KLHL3: variants seen among roughly 807,000 people sequenced by gnomAD.
KLHL3 encodes the protein kelch like family member 3.
KLHL3 carries 19 observed loss-of-function variants against 70.5 expected under a neutral mutation model. The ratio of observed to expected loss-of-function variants is 0.27; its 90% CI spans 0.19 to 0.40. KLHL3 has a LOEUF of 0.40. KLHL3 is among the 10% of genes least tolerant of loss of function. The probability of loss-of-function intolerance (pLI) is 1.00; values close to 1 mark genes in which losing one functional copy is unlikely to be tolerated. For synonymous variants in KLHL3, 258 were observed against 290.3 expected (o/e 0.89, Z 1.13); for missense variants, 512 against 771.1 (o/e 0.66, Z 3.98).
At chr5:137,628,109 A>T (rs952285264) in intron 13 of KLHL3, 188 bp downstream of exon 13, 1 of 636,378 alleles carries the variant, frequency 1.6e-6, no homozygotes, top group Non-Finnish European at 2.7e-6. Context: ...CAGGATCTGC[A>T]GCTAGCTTTT....
intron 11 of KLHL3, among the ~76,000 whole-genome samples, chr5:137,635,449 T>G (rs1453617638): frequency 6.6e-6 from 1 of 152,222 alleles, no homozygotes; most frequent in African/African-American, 2.4e-5. Context: ...TCTTAGGAGC[T>G]TCTGCCTACA....
At chr5:137,729,103 C>T (rs1435283879) in intron 1 of KLHL3, among the ~76,000 whole-genome samples, 1 of 152,084 alleles carries the variant, frequency 6.6e-6, no homozygotes. Flanking sequence ...ATCTGTTTCA[C>T]CTCTAAAGGT....
chr5:137,637,501 T>C, intron 10 of KLHL3, 106 bp from the exon 11 acceptor site: 2 of 905,974 alleles, frequency 2.2e-6, no homozygotes, highest in Non-Finnish European at 3.5e-6. Flanking sequence ...GCTGGAAACC[T>C]AAATGTATGG....
At chr5:137,660,941 G>C (rs570748620) in intron 7 of KLHL3, 3 of 153,180 alleles carry the variant, frequency 2.0e-5, no homozygotes, top group African/African-American at 7.2e-5. Flanking sequence ...GGGCTGCTAG[G>C]CTGCTAAACC....
At position 137,720,524 on chromosome 5, in the gene KLHL3, C is replaced by T. The variant is rs764264249; in HGVS notation, c.75G>A (p.Thr25=). Residue 25 remains threonine (T), a synonymous_variant, in exon 2 of 15, where the codon ACG becomes ACA. Transcript: ENST00000309755. ...QAGDDEKNQR[T]ITVNPAHMGK... ...CCATGTGGGCAGGGTTGACAGTGAT[C>T]GTCCTCTGGTTCTTCTCATCATCCC... The T allele has an allele frequency of 8.1e-6, 13 of 1,614,158 alleles. No homozygotes were observed. Among genetic ancestry groups the T allele is most frequent in the South Asian group, 6.6e-5 (6 of 91,086 alleles).
At chr5:137,632,814 G>GA (rs1396955086) in intron 12 of KLHL3, among the ~76,000 whole-genome samples, 1 of 151,878 alleles carries the variant, frequency 6.6e-6, no homozygotes, top group African/African-American at 2.4e-5. Flanking sequence ...ACTCAACAAG[G>GA]AAAAAACAAC....
At chr5:137,706,245 T>C (rs543728705) in intron 3 of KLHL3, 2 of 985,456 alleles carry the variant, frequency 2.0e-6, no homozygotes, top group East Asian at 2.3e-4. Context: ...TACTTTCCTT[T>C]TGGCTTTAAA....
intron 8 of KLHL3, among the ~76,000 whole-genome samples, chr5:137,645,347 T>C (rs987189808): frequency 1.3e-5 from 2 of 152,066 alleles, no homozygotes; most frequent in African/African-American, 4.8e-5. Context: ...TGAAGTACAT[T>C]CAAATTGAAA....
intron 3 of KLHL3, among the ~76,000 whole-genome samples, chr5:137,702,257 G>A (rs553574565): frequency 2.0e-5 from 1 of 49,924 alleles, no homozygotes; most frequent in Non-Finnish European, 3.5e-5. Flanking sequence ...GCACACAAGA[G>A]CACCAGGTTT....
chr5:137,650,413 G>A (rs1396113072), intron 8 of KLHL3, among the ~76,000 whole-genome samples: 1 of 152,176 alleles, frequency 6.6e-6, no homozygotes, highest in African/African-American at 2.4e-5. Flanking sequence ...CCTGGTCTGG[G>A]AGTCCCCTGG....
intron 10 of KLHL3, among the ~76,000 whole-genome samples, chr5:137,638,649 C>T (rs1217241316): frequency 2.0e-5 from 3 of 152,142 alleles, no homozygotes; most frequent in African/African-American, 7.2e-5. Flanking sequence ...CTGAGGCACC[C>T]CCTAGCTAAG....
intron 4 of KLHL3, among the ~76,000 whole-genome samples, 169 bp downstream of exon 4, chr5:137,698,118 C>T (rs1404913463): frequency 1.3e-5 from 2 of 152,236 alleles, no homozygotes; most frequent in African/African-American, 4.8e-5. Flanking sequence ...AGGACCAGCT[C>T]GACCACCTCC....
intron 5 of KLHL3, among the ~76,000 whole-genome samples, chr5:137,688,652 T>G (rs995558897): frequency 1.3e-5 from 2 of 152,216 alleles, no homozygotes; most frequent in African/African-American, 4.8e-5. Context: ...TAGAATGTAA[T>G]AAACACTGGC....
At chr5:137,658,830 C>T (rs1318379708) in intron 7 of KLHL3, among the ~76,000 whole-genome samples, 1 of 152,092 alleles carries the variant, frequency 6.6e-6, no homozygotes, top group Non-Finnish European at 1.5e-5. Flanking sequence ...AGAAAATCGG[C>T]CAGTGAGGCT....
rs753025233 is a variant in KLHL3 at position 137,692,400 on chromosome 5, C to T, written c.411G>A (p.Gln137=). Residue 137 remains glutamine, a synonymous_variant, in exon 5 of 15, where the codon CAG becomes CAA. Coordinates refer to ENST00000309755, the MANE Select transcript of KLHL3 (RefSeq NM_017415.3). ...ASLLQLMDVR[Q]NCCDFLQSQL... ...GAGACTGCAGGAAGTCACAGCAGTTCTGCCGAACATCCATGAGCTGCAGCA... is the reference window on the plus strand; with the variant it reads ...GAGACTGCAGGAAGTCACAGCAGTTTTGCCGAACATCCATGAGCTGCAGCA... 1 of 1,614,068 alleles carries T rather than the reference C, an allele frequency of 6.2e-7. No homozygotes were observed. The highest frequency in any genetic ancestry group is 8.5e-7 in the Non-Finnish European group (1 of 1,180,042).
In KLHL3 at chr5:137,621,871, A is replaced by G. The variant is rs778510694; in HGVS notation, c.*227T>C. 2 of 588,100 alleles carry G rather than the reference A, an allele frequency of 3.4e-6. No individual in the cohort carries two copies. Among genetic ancestry groups the G allele is most frequent in the Non-Finnish European group, 6.1e-6 (2 of 326,758 alleles). 36.4% of individuals were successfully genotyped at this position (588,100 alleles called of 1,614,324 possible). A position where few individuals can be genotyped will look rare whatever the true frequency, so the allele number is the denominator to read the frequency against. ...CCAAAGGTGCTGCCTGGGGATGTCA[A>G]GACCCCCCTTGCTCAGGGCATAGGC... On this transcript the variant is annotated 3_prime_UTR_variant, in exon 15 of 15. Coordinates refer to ENST00000309755, the MANE Select transcript of KLHL3 (RefSeq NM_017415.3).
At position 137,639,239 on chromosome 5, in the gene KLHL3, C is replaced by T; in HGVS notation, c.1022-89G>A. ...TGGCAATGGAGGAGCAAGACAGACA[C>T]AGGAAAAGTCGCCACCGAAGATACT... On this transcript the variant is annotated intron_variant, in intron 9 of 14. Coordinates refer to ENST00000309755, the MANE Select transcript of KLHL3 (RefSeq NM_017415.3). The surrounding 1 kb of genome is among the most constrained non-coding windows in gnomAD (Gnocchi z 5.0). 1 of 1,288,330 alleles carries T rather than the reference C, an allele frequency of 7.8e-7. No individual in the cohort carries two copies. Among genetic ancestry groups the T allele is most frequent in the East Asian group, 2.5e-5 (1 of 40,112 alleles). The allele number at this position is 1,288,330 out of a possible 1,614,324, so 79.8% of individuals were successfully genotyped here. A position where few individuals can be genotyped will look rare whatever the true frequency, so the allele number is the denominator to read the frequency against.
chr5:137,716,678 C>T (rs1752899209), intron 2 of KLHL3, among the ~76,000 whole-genome samples: 1 of 152,194 alleles, frequency 6.6e-6, no homozygotes, highest in African/African-American at 2.4e-5. Flanking sequence ...TTTCAGTCCT[C>T]TGCCATTAAA....
Position 137,691,922 on chromosome 5 carries a change from C to T in KLHL3, c.526+363G>A, listed in dbSNP as rs574755939. On this transcript the variant is annotated intron_variant, in intron 5 of 14. Transcript: ENST00000309755. Reference sequence around the variant, plus strand: ...CGTGAGCCACTGCGCCCAGCCAGTACGTGACTTTTAAAAGAATGTTTATGG... The same window carrying T: ...CGTGAGCCACTGCGCCCAGCCAGTATGTGACTTTTAAAAGAATGTTTATGG... Among the ~76,000 whole-genome samples the T allele has an allele frequency of 1.2e-4, 19 of 152,132 alleles. No individual in the cohort carries two copies. In the South Asian group the frequency reaches 2.7e-3, roughly 22 times the overall value.
Sources: allele counts gnomAD v4.1 joint callset (sites outside exome capture counted in the v4.1 genomes callset), GRCh38; gene constraint gnomAD v4.1.1; non-coding constraint Gnocchi (gnomAD v3.1); transcripts MANE v1.5; gene names NCBI Gene and HGNC (gene_info 2026-07-23, HGNC 2026-07-21).